The following MAGI3 variants were observed in gnomAD, a reference collection of about 807,000 sequenced individuals.
The protein encoded by MAGI3 is membrane associated guanylate kinase, WW and PDZ domain containing 3, also known as membrane-associated guanylate kinase, WW and PDZ domain-containing protein 3.
MAGI3 carries 43 observed loss-of-function variants against 121.8 expected under a neutral mutation model. The observed-to-expected ratio is 0.35, with a 90% confidence interval of 0.28 to 0.46. The LOEUF (loss-of-function observed/expected upper bound fraction) is 0.46. Ranked by LOEUF, MAGI3 falls within the 20% of genes least tolerant of loss-of-function variation. The pLI is 1.00. For missense variants in MAGI3, 1,547 were observed against 1,797.3 expected (o/e 0.86, Z 2.52); for synonymous variants, 553 against 639.3 (o/e 0.86, Z 2.04).
At chr1:113,400,572 C>T (rs566069602) in intron 1 of MAGI3, among the ~76,000 whole-genome samples, 6 of 152,220 alleles carry the variant, frequency 3.9e-5, no homozygotes, top group Non-Finnish European at 7.4e-5. Flanking sequence ...ACTGCTTCTA[C>T]TTCAAAAGCC....
intron 2 of MAGI3, among the ~76,000 whole-genome samples, chr1:113,566,119 G>A (rs566823820): frequency 3.9e-5 from 6 of 152,198 alleles, no homozygotes; most frequent in South Asian, 2.1e-4. Context: ...TAAATCAACC[G>A]CAGCTCTCAT....
chr1:113,469,107 T>G (rs1655425659), intron 1 of MAGI3, among the ~76,000 whole-genome samples: 1 of 152,210 alleles, frequency 6.6e-6, no homozygotes, highest in Non-Finnish European at 1.5e-5. Flanking sequence ...TAATAGCACT[T>G]GTTTTGAGCC....
chr1:113,584,558 A>G (rs1284539345), intron 3 of MAGI3, among the ~76,000 whole-genome samples: 1 of 152,160 alleles, frequency 6.6e-6, no homozygotes, highest in African/African-American at 2.4e-5. Context: ...TAAAAAGCCT[A>G]CATTTTTATA....
At chr1:113,513,655 A>G (rs1457162993) in intron 1 of MAGI3, among the ~76,000 whole-genome samples, 1 of 152,192 alleles carries the variant, frequency 6.6e-6, no homozygotes, top group Non-Finnish European at 1.5e-5. Context: ...TAAACGTTAG[A>G]CCTAAAACCA....
intron 1 of MAGI3, among the ~76,000 whole-genome samples, chr1:113,453,775 G>A (rs1654604276): frequency 6.6e-6 from 1 of 152,194 alleles, no homozygotes; most frequent in Admixed American, 6.6e-5. Flanking sequence ...TTATGGCTAA[G>A]ACTTTAAACA....
chr1:113,648,793 G>T (rs111328732), intron 12 of MAGI3, among the ~76,000 whole-genome samples: 8 of 152,234 alleles, frequency 5.3e-5, no homozygotes, highest in South Asian at 2.1e-4. Context: ...TGAGAGAAAG[G>T]TATTAGCTTG....
intron 14 of MAGI3, among the ~76,000 whole-genome samples, chr1:113,652,668 A>G (rs546002588): frequency 5.9e-5 from 9 of 152,334 alleles, no homozygotes; most frequent in Admixed American, 2.0e-4. Flanking sequence ...TGAAAAAAAA[A>G]AAGAAAAAAA....
At chr1:113,437,130 T>C (rs72687928) in intron 1 of MAGI3, among the ~76,000 whole-genome samples, 141 of 152,132 alleles carry the variant, frequency 9.3e-4, no homozygotes, top group Non-Finnish European at 1.8e-3. Flanking sequence ...ATATTTTTTA[T>C]CTCCCTTTAT....
At chr1:113,673,218 T>TTGAGAG (rs1647669258) in intron 18 of MAGI3, 104 bp from the exon 19 acceptor site, 1 of 1,318,240 alleles carries the variant, frequency 7.6e-7, no homozygotes, top group Non-Finnish European at 1.1e-6. Flanking sequence ...GAAATGCACA[T>TTGAGAG]TGAGAGTATA....
intron 6 of MAGI3, among the ~76,000 whole-genome samples, chr1:113,600,055 A>G (rs1649268543): frequency 6.6e-6 from 1 of 152,202 alleles, no homozygotes; most frequent in Non-Finnish European, 1.5e-5. Flanking sequence ...TAAATTAGGT[A>G]TTGATGGGAC....
At chr1:113,635,759 T>A (rs1348938914) in intron 9 of MAGI3, among the ~76,000 whole-genome samples, 2 of 152,270 alleles carry the variant, frequency 1.3e-5, no homozygotes, top group East Asian at 3.9e-4. Context: ...TTAGGGAGGA[T>A]TCCCTCTTTT....
intron 15 of MAGI3, 21 bp downstream of exon 15, chr1:113,654,039 T>C: frequency 1.3e-6 from 2 of 1,586,286 alleles, no homozygotes; most frequent in South Asian, 1.1e-5. Flanking sequence ...TTGTATCTTA[T>C]TGTCTCTCCC....
intron 19 of MAGI3, among the ~76,000 whole-genome samples, chr1:113,679,573 T>A (rs1426687406): frequency 6.6e-6 from 1 of 152,168 alleles, no homozygotes; most frequent in Non-Finnish European, 1.5e-5. Flanking sequence ...ATTAGGTCTG[T>A]TCCAAAGTTA....
chr1:113,423,679 T>C (rs1208979795), intron 1 of MAGI3, among the ~76,000 whole-genome samples: 1 of 152,136 alleles, frequency 6.6e-6, no homozygotes, highest in East Asian at 1.9e-4. Context: ...CCAAAAGGCA[T>C]CAAGGAAGTT....
intron 1 of MAGI3, among the ~76,000 whole-genome samples, chr1:113,477,651 C>A (rs777503492): frequency 1.5e-4 from 23 of 152,254 alleles, no homozygotes; most frequent in Non-Finnish European, 3.2e-4. Flanking sequence ...TCTCTGGCTG[C>A]CCTTAACACT....
At chr1:113,545,068 TGTTTG>T (rs1391802707) in intron 1 of MAGI3, among the ~76,000 whole-genome samples, 3 of 146,666 alleles carry the variant, frequency 2.0e-5, no homozygotes, top group Non-Finnish European at 4.5e-5. Flanking sequence ...GTTTTTTGTT[TGTTTG>T]TTTTGTTTTG....
chr1:113,643,916 T>G, intron 11 of MAGI3, 142 bp downstream of exon 11: 1 of 890,798 alleles, frequency 1.1e-6, no homozygotes, highest in South Asian at 1.6e-5. Context: ...TTGTATTTAT[T>G]AGAAACTAGG....
chr1:113,618,062 A>T (rs1271737776), intron 7 of MAGI3, among the ~76,000 whole-genome samples: 3 of 152,152 alleles, frequency 2.0e-5, no homozygotes, highest in African/African-American at 4.8e-5. Context: ...TTTAATTTTT[A>T]AATTTTTATT....
intron 2 of MAGI3, among the ~76,000 whole-genome samples, chr1:113,555,203 A>C (rs1659937702): frequency 6.6e-6 from 1 of 152,208 alleles, no homozygotes; most frequent in Non-Finnish European, 1.5e-5. Flanking sequence ...TTCAGACAAA[A>C]AGTGAAAGAA....
Sources: allele counts gnomAD v4.1 joint callset (sites outside exome capture counted in the v4.1 genomes callset), GRCh38; gene constraint gnomAD v4.1.1; transcripts MANE v1.5; gene names NCBI Gene and HGNC (gene_info 2026-07-23, HGNC 2026-07-21).